Variants in WDR64 observed in about 807,000 individuals in gnomAD.
The protein encoded by WDR64 is WD repeat domain 64.
WDR64 carries 112 observed loss-of-function variants against 139.3 expected under a neutral mutation model. The ratio of observed to expected loss-of-function variants is 0.80; its 90% CI spans 0.69 to 0.94. The LOEUF (loss-of-function observed/expected upper bound fraction) is 0.94, where lower values mean the gene tolerates loss of function less well. Among genes scored for constraint, WDR64 ranks in the 40% least tolerant of loss-of-function variants. The pLI, the probability that WDR64 is intolerant of heterozygous loss-of-function variation, is 0.00. For synonymous variants in WDR64, 444 were observed against 437.7 expected (o/e 1.01, Z -0.18); for missense variants, 1,206 against 1,293.1 (o/e 0.93, Z 1.03).
intron 19 of WDR64, among the ~76,000 whole-genome samples, chr1:241,771,937 C>CATATACATACAT (rs369287433): frequency 3.5e-5 from 2 of 56,528 alleles, no homozygotes; most frequent in Non-Finnish European, 7.5e-5. Context: ...CATATACATA[C>CATATACATACAT]ATACATACAT....
intron 10 of WDR64, among the ~76,000 whole-genome samples, chr1:241,725,883 A>G (rs1180794327): frequency 6.6e-6 from 1 of 151,832 alleles, no homozygotes; most frequent in Non-Finnish European, 1.5e-5. Context: ...GCTAGAGTAC[A>G]ATGGCATGGT....
At chr1:241,683,055 C>T (rs1293027923) in intron 6 of WDR64, among the ~76,000 whole-genome samples, 2 of 152,158 alleles carry the variant, frequency 1.3e-5, no homozygotes, top group Non-Finnish European at 2.9e-5. Context: ...TCTGAATAAA[C>T]TTGGATGGTA....
chr1:241,766,170 G>T, intron 15 of WDR64, 48 bp from the exon 16 acceptor site: 1 of 1,581,414 alleles, frequency 6.3e-7, no homozygotes, highest in South Asian at 1.2e-5. Context: ...TTTGCACCGC[G>T]AATCATGAAT....
intron 13 of WDR64, among the ~76,000 whole-genome samples, chr1:241,746,761 C>CTTTTT (rs34375079): frequency 7.0e-6 from 1 of 142,064 alleles, no homozygotes; most frequent in African/African-American, 2.6e-5. Flanking sequence ...CATTTCAGTT[C>CTTTTT]TTTTTTTTTT....
intron 19 of WDR64, among the ~76,000 whole-genome samples, chr1:241,772,402 A>G (rs1208402661): frequency 1.4e-5 from 2 of 144,260 alleles, no homozygotes; most frequent in African/African-American, 5.1e-5. Flanking sequence ...TGTGTTTTAC[A>G]TTCCATAAAA....
chr1:241,652,920 T>C (rs1002993513), intron 1 of WDR64, among the ~76,000 whole-genome samples: 4 of 152,260 alleles, frequency 2.6e-5, no homozygotes, highest in African/African-American at 9.6e-5. Flanking sequence ...TGTTCTTCTG[T>C]AGACGCTGCC....
At chr1:241,728,817 C>T (rs1668956956) in intron 10 of WDR64, among the ~76,000 whole-genome samples, 1 of 116,222 alleles carries the variant, frequency 8.6e-6, no homozygotes, top group Non-Finnish European at 1.8e-5. Context: ...GGCTGATTCT[C>T]TTCTTCTTTT....
intron 15 of WDR64, among the ~76,000 whole-genome samples, chr1:241,760,987 G>T (rs1379027355): frequency 1.3e-5 from 2 of 151,880 alleles, no homozygotes; most frequent in African/African-American, 4.8e-5. Flanking sequence ...GGGATTGGTT[G>T]CTGGGTCAAA....
chr1:241,679,435 G>A, intron 5 of WDR64, 50 bp from the exon 6 acceptor site: 9 of 1,472,312 alleles, frequency 6.1e-6, no homozygotes, highest in Non-Finnish European at 8.4e-6. Context: ...CCATCACCAG[G>A]TCATTGAAGG....
At chr1:241,742,844 G>T (rs535804006) in intron 12 of WDR64, among the ~76,000 whole-genome samples, 194 of 152,236 alleles carry the variant, frequency 1.3e-3, no homozygotes, top group African/African-American at 4.2e-3. Flanking sequence ...AGAGGCCAGG[G>T]GTCCTGGCCA....
intron 15 of WDR64, among the ~76,000 whole-genome samples, chr1:241,759,315 C>T (rs1670335280): frequency 6.6e-6 from 1 of 152,068 alleles, no homozygotes; most frequent in Non-Finnish European, 1.5e-5. Context: ...CCTTGTACCA[C>T]CAACTCTATA....
At chr1:241,784,594 T>A (rs1447988234) in intron 23 of WDR64, among the ~76,000 whole-genome samples, 2 of 152,130 alleles carry the variant, frequency 1.3e-5, no homozygotes, top group Non-Finnish European at 2.9e-5. Flanking sequence ...GAACGTTGAA[T>A]TCAAGATGAA....
chr1:241,778,471 G>A (rs1015164731), intron 21 of WDR64, among the ~76,000 whole-genome samples: 1 of 152,048 alleles, frequency 6.6e-6, no homozygotes, highest in Non-Finnish European at 1.5e-5. Flanking sequence ...TGTTTTAACT[G>A]GTGTATTTAG....
Position 241,790,530 on chromosome 1 carries a change from GT to G in WDR64, c.2892-58del, listed in dbSNP as rs1659184477. 2.8e-5 allele frequency: 39 copies of G among 1,392,216 alleles called. 1 individual carries two copies. The South Asian group carries it at 4.9e-4, about 17-fold the overall frequency. The allele number at this position is 1,392,216 out of a possible 1,614,324, so 86.2% of individuals were successfully genotyped here. On this transcript the variant is annotated intron_variant, in intron 24 of 27. Transcript: ENST00000437684. Reference sequence around the variant, plus strand: ...CCAGAGAAGGACATAATGGATCTTTGTTTAGTTGGCAGAGAATAAAAGGTAT... The same window carrying G: ...CCAGAGAAGGACATAATGGATCTTTGTTAGTTGGCAGAGAATAAAAGGTAT...
chr1:241,682,822 A>T (rs1237086808), intron 6 of WDR64, among the ~76,000 whole-genome samples: 1 of 152,172 alleles, frequency 6.6e-6, no homozygotes, highest in Non-Finnish European at 1.5e-5. Flanking sequence ...TTATTTCCTT[A>T]AATGCACTTC....
intron 3 of WDR64, among the ~76,000 whole-genome samples, chr1:241,674,137 T>G (rs558650813): frequency 6.6e-6 from 1 of 152,244 alleles, no homozygotes; most frequent in African/African-American, 2.4e-5. Flanking sequence ...ATATGCAAAT[T>G]AGTATCTCTG....
intron 5 of WDR64, 119 bp downstream of exon 5, chr1:241,678,335 A>G (rs988951870): frequency 2.0e-5 from 8 of 394,520 alleles, no homozygotes; most frequent in East Asian, 7.2e-5. Flanking sequence ...TGTTTCATAT[A>G]TTATAAATTT....
intron 13 of WDR64, among the ~76,000 whole-genome samples, chr1:241,748,895 G>A (rs1021755409): frequency 1.3e-5 from 2 of 148,150 alleles, no homozygotes; most frequent in African/African-American, 5.0e-5. Context: ...AGCCGAGATC[G>A]CCACTGCACT....
chr1:241,658,350 T>C (rs954370932), intron 1 of WDR64, among the ~76,000 whole-genome samples: 4 of 151,360 alleles, frequency 2.6e-5, no homozygotes, highest in Admixed American at 6.6e-5. Flanking sequence ...CAGTTAAGAA[T>C]TGCTCACCAG....
Sources: gnomAD v4.1 joint callset for allele counts (sites outside exome capture counted in the v4.1 genomes callset) on GRCh38, gnomAD v4.1.1 for gene constraint, MANE v1.5 for transcripts, NCBI Gene and HGNC (gene_info 2026-07-23, HGNC 2026-07-21) for gene names.